RGL3: variants seen among roughly 807,000 people sequenced by gnomAD.
RGL3 encodes ral guanine nucleotide dissociation stimulator-like 3.
RGL3 carries 85 observed loss-of-function variants against 90.6 expected under a neutral mutation model. The observed-to-expected ratio is 0.94, with a 90% CI of 0.79 to 1.12. The LOEUF is 1.12. Ranked by LOEUF, RGL3 falls within the 50% of genes most tolerant of loss-of-function variation. RGL3 has a pLI of 0.00. For synonymous variants in RGL3, 408 were observed against 385.5 expected, an observed-to-expected ratio of 1.06 and a Z score of -0.68; for missense variants, 1,034 against 939.2, an observed-to-expected ratio of 1.10 and a Z score of -1.32.
Position 11,394,446 on chromosome 19 carries a change from G to C in RGL3, c.2089C>G (p.Arg697Gly), listed in dbSNP as rs145696723. The change falls in exon 19 of 19, where the codon CGG (arginine) becomes GGG (glycine). Residue 697 changes from arginine (R) to glycine (G), a missense_variant. Transcript: ENST00000380456. Reference protein sequence around the residue: ...PVAPRDFMLRRKEGTRNTLSV... With the variant: ...PVAPRDFMLRGKEGTRNTLSV... ...AGAGTGTTCCGGGTCCCCTCTTTCC[G>C]CCGCAGCATGAAGTCTCTGGGGGCG... 2 of 1,613,952 alleles carry C rather than the reference G, an allele frequency of 1.2e-6. No homozygotes were observed. Among genetic ancestry groups the C allele is most frequent in the Admixed American group, 3.3e-5 (2 of 59,980 alleles).
chr19:11,407,561 CT>C (rs554081593), intron 5 of RGL3, among the ~76,000 whole-genome samples: 2 of 151,598 alleles, frequency 1.3e-5, no homozygotes, highest in Non-Finnish European at 2.9e-5. Flanking sequence ...AATCTGACCT[CT>C]TTTTTTTGGA....
intron 16 of RGL3, among the ~76,000 whole-genome samples, chr19:11,399,412 A>G (rs573789931): frequency 1.3e-5 from 2 of 152,216 alleles, no homozygotes; most frequent in African/African-American, 4.8e-5. Flanking sequence ...ACTAAATAAA[A>G]AAAATAGCAG....
chr19:11,414,384 T>C (rs1256134259), intron 5 of RGL3, among the ~76,000 whole-genome samples: 4 of 121,784 alleles, frequency 3.3e-5, no homozygotes, highest in Non-Finnish European at 6.6e-5. Context: ...TATATATATA[T>C]ACCTTTATAT....
chr19:11,401,220 G>T (rs1344276966), intron 13 of RGL3, among the ~76,000 whole-genome samples: 1 of 149,586 alleles, frequency 6.7e-6, no homozygotes, highest in Admixed American at 6.7e-5. Flanking sequence ...GAGGTCAATT[G>T]TGACTATTTT....
Position 11,406,464 on chromosome 19 carries a change from G to T in RGL3, c.951C>A (p.Ala317=). The change falls in exon 7 of 19, where the codon GCC becomes GCA. Residue 317 remains alanine, a synonymous_variant. Coordinates refer to ENST00000380456, the MANE Select transcript of RGL3 (RefSeq NM_001035223.4). Reference sequence around the variant, plus strand: ...TCTCCAGCCGCTGCGCCCTCTGCGGGGCGGCCAAGCCCGGTGCTCCGAGCA... The same window carrying T: ...TCTCCAGCCGCTGCGCCCTCTGCGGTGCGGCCAAGCCCGGTGCTCCGAGCA... The part of the protein sequence containing the change: ...GSVLGAPGLA[A]PQRAQRLEKW... 6.4e-7 allele frequency: 1 copy of T among 1,550,728 alleles called. No individual in the cohort carries two copies. Among genetic ancestry groups the T allele is most frequent in the Non-Finnish European group, 8.7e-7 (1 of 1,151,180 alleles).
chr19:11,398,307 G>T (rs1471745944), intron 16 of RGL3, among the ~76,000 whole-genome samples: 1 of 151,870 alleles, frequency 6.6e-6, no homozygotes, highest in Non-Finnish European at 1.5e-5. Context: ...GAATACTCAG[G>T]CCCACATTTC....
chr19:11,402,505 AG>A lies in RGL3; in HGVS notation c.1278del (p.Phe427SerfsTer48), dbSNP rs777148097. On this transcript the variant is annotated frameshift_variant, in exon 11 of 19. Transcript: ENST00000380456. LOFTEE classifies it high-confidence loss of function. ...PPPGPVPYLG[T>X]FLTDLVMLDT... ...TCCAGCATAACCAGGTCCGTAAGGA[AG>A]GTGCCAAGGTAGGGGACAGGGCCTG... 6.2e-7 allele frequency: 1 copy of A among 1,604,338 alleles called. No homozygotes were observed.
chr19:11,402,259 G>A lies in RGL3; in HGVS notation c.1330-12C>T. The A allele has an allele frequency of 6.2e-7, 1 of 1,613,158 alleles. No homozygotes were observed. Among genetic ancestry groups the A allele is most frequent in the Non-Finnish European group, 8.5e-7 (1 of 1,179,960 alleles). On this transcript the variant is annotated splice_polypyrimidine_tract_variant and intron_variant, in intron 11 of 18. Coordinates refer to ENST00000380456, the MANE Select transcript of RGL3 (RefSeq NM_001035223.4). ...TTAATGAGATCCCCCTGGGGGCAAA[G>A]TGTGTCTGAATTGCAGCACCCAGGG... is the stretch of plus-strand genomic sequence containing the variant.
intron 11 of RGL3, 52 bp downstream of exon 11, chr19:11,402,403 G>T (rs1488923610): frequency 6.3e-7 from 1 of 1,574,968 alleles, no homozygotes; most frequent in South Asian, 1.2e-5. Context: ...GAGGCCCATT[G>T]TGCTGGGGGC....
At chr19:11,409,127 C>G (rs1020643202) in intron 5 of RGL3, among the ~76,000 whole-genome samples, 2 of 151,134 alleles carry the variant, frequency 1.3e-5, no homozygotes, top group Admixed American at 6.6e-5. Context: ...TGAGCCAGGT[C>G]CACGCCACGG....
chr19:11,415,483 T>G (rs568927023), intron 5 of RGL3, among the ~76,000 whole-genome samples: 1 of 145,446 alleles, frequency 6.9e-6, no homozygotes, highest in Non-Finnish European at 1.5e-5. Context: ...AAAGAATTTG[T>G]TTTTTTTTTT....
In RGL3 at chr19:11,406,484, C is replaced by A. The variant is rs867280954; in HGVS notation, c.931G>T (p.Gly311Ter). The change falls in exon 7 of 19, where the codon GGA becomes TGA. Residue 311 changes from glycine (G) to a stop codon, truncating the protein, a stop_gained. Transcript: ENST00000380456. LOFTEE classifies it high-confidence loss of function. ...TGCGGGGCGGCCAAGCCCGGTGCTCCGAGCACGGAACCCAGCACACAGCCG... is the reference window on the plus strand; with the variant it reads ...TGCGGGGCGGCCAAGCCCGGTGCTCAGAGCACGGAACCCAGCACACAGCCG... Reference protein sequence around the residue: ...VTGCVLGSVLGAPGLAAPQRA... With the variant: ...VTGCVLGSVL 10 of 1,554,422 alleles carry A rather than the reference C, an allele frequency of 6.4e-6. No individual in the cohort carries two copies. Among genetic ancestry groups the A allele is most frequent in the Admixed American group, 3.9e-5 (2 of 51,856 alleles).
chr19:11,400,039 C>A lies in RGL3; in HGVS notation c.1649+1G>T. 1.2e-6 allele frequency: 2 copies of A among 1,604,986 alleles called. No homozygotes were observed. The highest frequency in any genetic ancestry group is 1.7e-6 in the Non-Finnish European group (2 of 1,177,322). On this transcript the variant is annotated splice_donor_variant, in intron 15 of 18. Transcript: ENST00000380456. LOFTEE classifies it high-confidence loss of function. ...GTCCCATCACCAAGCAGAATGCTCACCTGGAGGTGGGGGATGAGGGGTCCC... is the reference window on the plus strand; with the variant it reads ...GTCCCATCACCAAGCAGAATGCTCAACTGGAGGTGGGGGATGAGGGGTCCC...
chr19:11,407,036 AGT>A lies in RGL3; in HGVS notation c.638-174_638-173del, dbSNP rs1599437177. On this transcript the variant is annotated intron_variant, in intron 5 of 18. Coordinates refer to ENST00000380456, the MANE Select transcript of RGL3 (RefSeq NM_001035223.4). ...AGTCTTACTCTGTTGCCCAAGCTGG[AGT>A]ACAATGGCGCAATCTCAGCTGACCA... The A allele has an allele frequency of 1.2e-5, 7 of 598,590 alleles. No individual in the cohort carries two copies. In the East Asian group the frequency reaches 2.1e-4, roughly 18 times the overall value. The allele number at this position is 598,590 out of a possible 1,614,324, so 37.1% of individuals were successfully genotyped here.
intron 18 of RGL3, among the ~76,000 whole-genome samples, chr19:11,396,313 A>G (rs1968572081): frequency 6.7e-6 from 1 of 148,598 alleles, no homozygotes; most frequent in Non-Finnish European, 1.5e-5. Flanking sequence ...GACTACAGGC[A>G]TGTGCCACCA....
chr19:11,418,491 A>C, intron 2 of RGL3, 180 bp downstream of exon 2: 4 of 557,010 alleles, frequency 7.2e-6, no homozygotes, highest in Non-Finnish European at 1.3e-5. Flanking sequence ...CATTCCCTGG[A>C]TCTCCCCCCA....
At position 11,394,073 on chromosome 19, in the gene RGL3, G is replaced by A. The variant is rs1315711448; in HGVS notation, c.*329C>T. 1 of 254,718 alleles carries A rather than the reference G, an allele frequency of 3.9e-6. No individual in the cohort carries two copies. Among genetic ancestry groups the A allele is most frequent in the Admixed American group, 4.9e-5 (1 of 20,420 alleles). The allele number at this position is 254,718 out of a possible 1,614,324, so 15.8% of individuals were successfully genotyped here. The stretch of plus-strand genomic sequence containing the variant: ...GACTGACACCTGTTTCATAACTCTG[G>A]TCACTATTTTCATCCGCATCTGTCA... On this transcript the variant is annotated 3_prime_UTR_variant, in exon 19 of 19. Transcript: ENST00000380456.
Position 11,405,136 on chromosome 19 carries a change from TC to T in RGL3, c.1185+10del. 1.2e-6 allele frequency: 2 copies of T among 1,612,588 alleles called. No homozygotes were observed. The highest frequency in any genetic ancestry group is 1.7e-6 in the Non-Finnish European group (2 of 1,178,614). Reference sequence around the variant, plus strand: ...GGGCCTAAAATCCCTGGAGTCTGCATCCATCTCTACCTGGAAAAGAATCTCT... The same window carrying T: ...GGGCCTAAAATCCCTGGAGTCTGCATCATCTCTACCTGGAAAAGAATCTCT... On this transcript the variant is annotated intron_variant, in intron 9 of 18. Transcript: ENST00000380456.
chr19:11,418,817 G>T (rs1375418006), intron 1 of RGL3, 33 bp from the exon 2 acceptor site: 2 of 1,511,438 alleles, frequency 1.3e-6, no homozygotes, highest in East Asian at 2.5e-5. Context: ...GGCACCAAAG[G>T]GGCACAGGTC....
Sources: allele counts gnomAD v4.1 joint callset (sites outside exome capture counted in the v4.1 genomes callset), GRCh38; gene constraint gnomAD v4.1.1; transcripts MANE v1.5; gene names NCBI Gene and HGNC (gene_info 2026-07-23, HGNC 2026-07-21).